Variants in ADRA1A observed in about 807,000 individuals in gnomAD.
ADRA1A encodes the protein adrenoceptor alpha 1A.
Under a neutral mutation model 29.6 loss-of-function variants are expected in ADRA1A, and 31 were observed. The observed-to-expected ratio is 1.05, with a 90% CI of 0.79 to 1.41. ADRA1A has a LOEUF of 1.41. ADRA1A is among the 40% of genes most tolerant of loss of function. The probability of loss-of-function intolerance (pLI) is 0.00; values close to 1 mark genes in which losing one functional copy is unlikely to be tolerated. For synonymous variants in ADRA1A, 311 were observed against 254.3 expected, an observed-to-expected ratio of 1.22 and a Z score of -2.12; for missense variants, 619 against 601.1, an observed-to-expected ratio of 1.03 and a Z score of -0.31.
intron 2 of ADRA1A, among the ~76,000 whole-genome samples, chr8:26,793,341 A>T (rs1426845733): frequency 1.3e-5 from 2 of 152,020 alleles, no homozygotes; most frequent in Admixed American, 6.6e-5. Flanking sequence ...AAATACTGAA[A>T]ATGAGAGCTT....
At chr8:26,812,350 A>C (rs1226966330) in intron 2 of ADRA1A, among the ~76,000 whole-genome samples, 1 of 152,180 alleles carries the variant, frequency 6.6e-6, no homozygotes, top group Non-Finnish European at 1.5e-5. Context: ...TTTAATATCG[A>C]ATAACTGATA....
intron 2 of ADRA1A, among the ~76,000 whole-genome samples, chr8:26,835,659 G>A (rs1811295815): frequency 6.6e-6 from 1 of 152,082 alleles, no homozygotes; most frequent in Non-Finnish European, 1.5e-5. Context: ...ACGACACATG[G>A]GAATTATGGG....
intron 2 of ADRA1A, among the ~76,000 whole-genome samples, chr8:26,802,197 G>A (rs1268972537): frequency 2.0e-5 from 3 of 151,878 alleles, no homozygotes; most frequent in Non-Finnish European, 4.4e-5. Context: ...CAAAGCACAG[G>A]CAACCAAAGC....
downstream of ADRA1A, among the ~76,000 whole-genome samples, chr8:26,761,407 G>T (rs1412468183): frequency 2.6e-5 from 4 of 152,220 alleles, no homozygotes; most frequent in Non-Finnish European, 4.4e-5. Flanking sequence ...AAGTCCCCAG[G>T]ACCTCAGAAT....
chr8:26,865,607 T>A lies in ADRA1A; in HGVS notation c.-638A>T. On this transcript the variant is annotated 5_prime_UTR_variant, in exon 2 of 3. Coordinates refer to ENST00000380573, the MANE Select transcript of ADRA1A (RefSeq NM_000680.4). This position sits in a 1 kb window ranked among gnomAD's most constrained non-coding sequence, Gnocchi z 7.6. ...CAGGTCAGGGGACGTAGGTGTGGAA[T>A]ATGTGCTGAGACCCAGGAGGCTGCG... 1 of 986,986 alleles carries A rather than the reference T, an allele frequency of 1.0e-6. No individual in the cohort carries two copies. The allele number at this position is 986,986 out of a possible 1,614,324, so 61.1% of individuals were successfully genotyped here.
At chr8:26,827,855 C>T (rs557888039) in intron 2 of ADRA1A, among the ~76,000 whole-genome samples, 1 of 152,220 alleles carries the variant, frequency 6.6e-6, no homozygotes, top group Non-Finnish European at 1.5e-5. Context: ...GATCATAGCA[C>T]TGAGACTCTG....
rs1813842942 is a variant in ADRA1A, at chr8:26,865,492, CTACAGGTT to C, written c.-531_-524del. On this transcript the variant is annotated 5_prime_UTR_variant, in exon 2 of 3. Coordinates refer to ENST00000380573, the MANE Select transcript of ADRA1A (RefSeq NM_000680.4). This position sits in a 1 kb window ranked among gnomAD's most constrained non-coding sequence, Gnocchi z 7.6. ...GGACCGATGGTTGGGTAGCGCAGCG[CTACAGGTT>C]GGGCGCTGCTCCTGGCCCGCAGTTA... The C allele has an allele frequency of 5.2e-4, 4 of 7,620 alleles. No homozygotes were observed. Among genetic ancestry groups the C allele is most frequent in the South Asian group, 0.014 (2 of 138 alleles). 0.5% of individuals were successfully genotyped at this position (7,620 alleles called of 1,614,324 possible).
intron 2 of ADRA1A, among the ~76,000 whole-genome samples, chr8:26,776,593 A>T (rs1422795895): frequency 6.6e-6 from 1 of 152,148 alleles, no homozygotes; most frequent in African/African-American, 2.4e-5. Flanking sequence ...TCCACTCCTG[A>T]TCTTTGTGTG....
intron 2 of ADRA1A, among the ~76,000 whole-genome samples, chr8:26,824,642 T>G (rs1426840594): frequency 6.6e-6 from 1 of 152,126 alleles, no homozygotes; most frequent in African/African-American, 2.4e-5. Flanking sequence ...GCCAGCATGC[T>G]CCCTTAAGCT....
chr8:26,864,778 G>A lies in ADRA1A; in HGVS notation c.192C>T (p.Tyr64=), dbSNP rs139291747. The part of the protein sequence containing the change: ...HRHLHSVTHY[Y]IVNLAVADLL... ...GGTCGGCCACCGCCAGGTTGACGAT[G>A]TAGTAGTGCGTGACTGAGTGCAGGT... Residue 64 remains tyrosine, a synonymous_variant, in exon 2 of 3, where the codon TAC becomes TAT. Transcript: ENST00000380573. The surrounding 1 kb of genome is among the most constrained non-coding windows in gnomAD (Gnocchi z 8.1). 2.9e-5 allele frequency: 47 copies of A among 1,614,062 alleles called. No homozygotes were observed. In the Admixed American group the frequency reaches 3.5e-4, roughly 12 times the overall value.
chr8:26,819,375 T>G (rs1166729999), intron 2 of ADRA1A, among the ~76,000 whole-genome samples: 1 of 146,922 alleles, frequency 6.8e-6, no homozygotes, highest in Non-Finnish European at 1.5e-5. Flanking sequence ...AAAACTCACT[T>G]TTACTCTAGT....
rs1221116781 is a variant in ADRA1A at position 26,815,557 on chromosome 8, C to G, written c.884-44891G>C. Among the ~76,000 whole-genome samples, 1 of 152,106 alleles carries G rather than the reference C, an allele frequency of 6.6e-6. No individual in the cohort carries two copies. Among genetic ancestry groups the G allele is most frequent in the South Asian group, 2.1e-4 (1 of 4,826 alleles). The stretch of plus-strand genomic sequence containing the variant: ...TACATAAAATTGGAAGGAAAATAAA[C>G]AGAGATCCCTACATGCAAGCTTGAA... On this transcript the variant is annotated intron_variant, in intron 2 of 2. Transcript: ENST00000380573. The surrounding 1 kb of genome is among the most constrained non-coding windows in gnomAD (Gnocchi z 4.2).
chr8:26,864,908 A>G lies in ADRA1A; in HGVS notation c.62T>C (p.Val21Ala). The G allele has an allele frequency of 6.2e-7, 1 of 1,613,664 alleles. No individual in the cohort carries two copies. Among genetic ancestry groups the G allele is most frequent in the Admixed American group, 1.7e-5 (1 of 60,022 alleles). The change falls in exon 2 of 3, where the codon GTG becomes GCG. Residue 21 changes from valine to alanine, a missense_variant. Val to Ala is a moderately conservative substitution (Grantham distance 64, BLOSUM62 0). Transcript: ENST00000380573. The surrounding 1 kb of genome is among the most constrained non-coding windows in gnomAD (Gnocchi z 8.1). ...GAGCAGAATGGCCTTGGAAATGTTC[A>G]CCGGTGCCGGCGGTTGGGTGCAGTT... is the stretch of plus-strand genomic sequence containing the variant. ...SSNCTQPPAP[V>A]NISKAILLGV...
chr8:26,839,494 A>G (rs1811659259), intron 2 of ADRA1A, among the ~76,000 whole-genome samples: 1 of 152,072 alleles, frequency 6.6e-6, no homozygotes, highest in Non-Finnish European at 1.5e-5. Flanking sequence ...TTCAAACTGG[A>G]AAACCAGCCT....
At position 26,864,894 on chromosome 8, in the gene ADRA1A, C is replaced by G. The variant is rs1400692981; in HGVS notation, c.76G>C (p.Ala26Pro). 1 of 1,613,872 alleles carries G rather than the reference C, an allele frequency of 6.2e-7. No individual in the cohort carries two copies. Among genetic ancestry groups the G allele is most frequent in the African/African-American group, 1.3e-5 (1 of 74,908 alleles). Residue 26 changes from alanine (A) to proline (P), a missense_variant, in exon 2 of 3, where the codon GCC (alanine) becomes CCC (proline). Ala to Pro is a conservative substitution (Grantham distance 27). Coordinates refer to ENST00000380573, the MANE Select transcript of ADRA1A (RefSeq NM_000680.4). This position sits in a 1 kb window ranked among gnomAD's most constrained non-coding sequence, Gnocchi z 8.1. ...QPPAPVNISK[A>P]ILLGVILGGL... ...CCCAAGATCACCCCGAGCAGAATGG[C>G]CTTGGAAATGTTCACCGGTGCCGGC... is the stretch of plus-strand genomic sequence containing the variant.
At chr8:26,842,468 T>G (rs1488627795) in intron 2 of ADRA1A, among the ~76,000 whole-genome samples, 1 of 152,188 alleles carries the variant, frequency 6.6e-6, no homozygotes, top group Admixed American at 6.5e-5. Context: ...AATTCCACTC[T>G]GATTCCTCAG....
intron 2 of ADRA1A, among the ~76,000 whole-genome samples, chr8:26,774,230 T>G (rs1305946634): frequency 6.6e-6 from 1 of 152,208 alleles, no homozygotes; most frequent in Non-Finnish European, 1.5e-5. Flanking sequence ...CAGGATCCAT[T>G]CTCATGCTTG....
At chr8:26,758,533 A>G (rs1805322567) in intron 2 of ADRA1A, among the ~76,000 whole-genome samples, 1 of 152,236 alleles carries the variant, frequency 6.6e-6, no homozygotes, top group Admixed American at 6.5e-5. Flanking sequence ...ACACAATTGT[A>G]TCTGCTAATC....
At chr8:26,774,174 C>T (rs748189326) in intron 2 of ADRA1A, among the ~76,000 whole-genome samples, 17 of 152,172 alleles carry the variant, frequency 1.1e-4, no homozygotes, top group African/African-American at 1.9e-4. Context: ...AAGCCTAGCA[C>T]GGATTTGCAT....
Sources: allele counts gnomAD v4.1 joint callset (sites outside exome capture counted in the v4.1 genomes callset), GRCh38; gene constraint gnomAD v4.1.1; non-coding constraint Gnocchi (gnomAD v3.1); transcripts MANE v1.5; gene names NCBI Gene and HGNC (gene_info 2026-07-23, HGNC 2026-07-21).